The following QTMAN variants were observed in gnomAD, a reference collection of about 807,000 sequenced individuals.
QTMAN encodes tRNA-queuosine alpha-mannosyltransferase.
At chr2:144,102,422 T>C in the QTMAN span, among the ~76,000 whole-genome samples, 1 of 152,242 alleles carries the variant, frequency 6.6e-6, no homozygotes, top group African/African-American at 2.4e-5. Flanking sequence ...TTTATTTAAG[T>C]AACTTTATGG....
At chr2:143,945,434 T>G in the QTMAN span, 3 of 152,648 alleles carry the variant, frequency 2.0e-5, no homozygotes, top group East Asian at 3.9e-4. Flanking sequence ...AGCTTCTTGT[T>G]TCTGCTTCTT....
At chr2:144,218,296 G>T in the QTMAN span, among the ~76,000 whole-genome samples, 1 of 152,294 alleles carries the variant, frequency 6.6e-6, no homozygotes, top group East Asian at 1.9e-4. Flanking sequence ...AAAATTGTCT[G>T]CCCTGCTGAG....
At chr2:144,139,870 A>ACTGT in the QTMAN span, among the ~76,000 whole-genome samples, 1 of 152,068 alleles carries the variant, frequency 6.6e-6, no homozygotes, top group East Asian at 1.9e-4. Context: ...TAATAATTTA[A>ACTGT]CTGTATCTTC....
chr2:144,059,637 C>T, the QTMAN span, among the ~76,000 whole-genome samples: 1 of 152,146 alleles, frequency 6.6e-6, no homozygotes, highest in Non-Finnish European at 1.5e-5. Context: ...ATGCCTCACC[C>T]CTATCCAACC....
chr2:144,301,315 C>CAGAT, the QTMAN span, among the ~76,000 whole-genome samples: 1 of 152,156 alleles, frequency 6.6e-6, no homozygotes, highest in African/African-American at 2.4e-5. Context: ...CTCCGCTTCC[C>CAGAT]AGATGCAAGT....
At chr2:144,095,394 C>A in the QTMAN span, among the ~76,000 whole-genome samples, 1 of 152,136 alleles carries the variant, frequency 6.6e-6, no homozygotes, top group African/African-American at 2.4e-5. Flanking sequence ...CACCTATATT[C>A]TCACACACAG....
the QTMAN span, among the ~76,000 whole-genome samples, chr2:144,014,768 T>C: frequency 6.6e-6 from 1 of 152,214 alleles, no homozygotes; most frequent in African/African-American, 2.4e-5. Context: ...AGCTGGGATA[T>C]ATATGGGCTG....
At chr2:143,987,518 G>A in the QTMAN span, among the ~76,000 whole-genome samples, 2 of 152,108 alleles carry the variant, frequency 1.3e-5, no homozygotes, top group African/African-American at 2.4e-5. Context: ...TCCTCTTCTG[G>A]GTTTTCACTT....
At chr2:144,000,503 C>T in the QTMAN span, among the ~76,000 whole-genome samples, 1 of 152,002 alleles carries the variant, frequency 6.6e-6, no homozygotes, top group African/African-American at 2.4e-5. Flanking sequence ...TGAGCTTTGA[C>T]TAATTGATGG....
At chr2:144,039,717 A>G in the QTMAN span, among the ~76,000 whole-genome samples, 2 of 152,042 alleles carry the variant, frequency 1.3e-5, no homozygotes, top group Admixed American at 1.3e-4. Context: ...AGTCACTCCT[A>G]TTTTTAAGTA....
chr2:143,973,085 A>G, the QTMAN span, among the ~76,000 whole-genome samples: 1 of 152,222 alleles, frequency 6.6e-6, no homozygotes, highest in African/African-American at 2.4e-5. Context: ...CAAAAAAGTA[A>G]CAGTTAAGTG....
At chr2:144,180,271 G>T in the QTMAN span, among the ~76,000 whole-genome samples, 3,168 of 151,876 alleles carry the variant, frequency 0.021, 52 homozygotes, top group Non-Finnish European at 0.033. Flanking sequence ...TTGATTGATG[G>T]TATTTTTTCC....
the QTMAN span, among the ~76,000 whole-genome samples, chr2:144,297,411 A>G: frequency 3.9e-5 from 6 of 152,202 alleles, no homozygotes; most frequent in African/African-American, 1.4e-4. Flanking sequence ...GGCCTATAGT[A>G]AAAATTCAAA....
At chr2:144,077,243 A>G in the QTMAN span, among the ~76,000 whole-genome samples, 110 of 152,372 alleles carry the variant, frequency 7.2e-4, no homozygotes, top group Non-Finnish European at 1.4e-3. Flanking sequence ...CTGAAAAAAT[A>G]TAGGTCAGAA....
At chr2:144,017,762 T>C in the QTMAN span, among the ~76,000 whole-genome samples, 12 of 152,206 alleles carry the variant, frequency 7.9e-5, no homozygotes, top group Non-Finnish European at 1.8e-4. Context: ...AAGGTCATCA[T>C]GGCATTTAAT....
the QTMAN span, among the ~76,000 whole-genome samples, chr2:144,329,800 T>TTCAGGAGTTA: frequency 6.6e-6 from 1 of 152,206 alleles, no homozygotes; most frequent in Admixed American, 6.5e-5. Context: ...GTTTACTATA[T>TTCAGGAGTTA]CATGATTCAG....
At chr2:144,325,092 C>T in the QTMAN span, among the ~76,000 whole-genome samples, 1 of 152,234 alleles carries the variant, frequency 6.6e-6, no homozygotes, top group Admixed American at 6.5e-5. Flanking sequence ...GCCTACACTA[C>T]AAGATAGCTG....
the QTMAN span, among the ~76,000 whole-genome samples, chr2:144,060,129 T>G: frequency 1.3e-5 from 2 of 152,098 alleles, no homozygotes; most frequent in Non-Finnish European, 2.9e-5. Context: ...AAACTTTTGA[T>G]GTATAGAGTT....
At chr2:144,240,058 C>G in the QTMAN span, among the ~76,000 whole-genome samples, 1 of 152,220 alleles carries the variant, frequency 6.6e-6, no homozygotes, top group African/African-American at 2.4e-5. Context: ...CAATTGACTT[C>G]TTCCCTTTGC....
Sources: allele counts gnomAD v4.1 joint callset (sites outside exome capture counted in the v4.1 genomes callset), GRCh38; gene constraint gnomAD v4.1.1; transcripts MANE v1.5; gene names NCBI Gene and HGNC (gene_info 2026-07-23, HGNC 2026-07-21).